The following ZFHX3 variants were observed in gnomAD, a reference collection of about 807,000 sequenced individuals.
The protein encoded by ZFHX3 is zinc finger homeobox 3.
A neutral mutation model predicts 279.1 loss-of-function variants in ZFHX3; 42 were observed. The ratio of observed to expected loss-of-function variants is 0.15; its 90% CI spans 0.12 to 0.19. ZFHX3 has a LOEUF of 0.19. ZFHX3 is among the 10% of genes least tolerant of loss of function. The probability of loss-of-function intolerance (pLI) is 1.00; values close to 1 mark genes in which losing one functional copy is unlikely to be tolerated. For missense variants in ZFHX3, 4,981 were observed against 4,754.0 expected (o/e 1.05, Z -1.40); for synonymous variants, 2,293 against 1,957.8 (o/e 1.17, Z -4.52).
At chr16:73,777,263 G>A (rs563238496) in intron 1 of ZFHX3, among the ~76,000 whole-genome samples, 2 of 152,112 alleles carry the variant, frequency 1.3e-5, no homozygotes, top group Non-Finnish European at 2.9e-5. Context: ...CAGCACTTTA[G>A]GAGGCCAAGG....
At chr16:73,789,334 G>C (rs997952119) in intron 1 of ZFHX3, among the ~76,000 whole-genome samples, 4 of 151,866 alleles carry the variant, frequency 2.6e-5, no homozygotes, top group African/African-American at 9.7e-5. Context: ...GTGCATGTCA[G>C]CACACCCGGC....
intron 1 of ZFHX3, among the ~76,000 whole-genome samples, chr16:72,991,024 T>C (rs1211888650): frequency 1.3e-5 from 2 of 151,664 alleles, no homozygotes; most frequent in East Asian, 1.9e-4. Context: ...AATGGGTTAA[T>C]GACAAAGAAG....
chr16:72,991,641 T>C (rs1963098872), intron 1 of ZFHX3, among the ~76,000 whole-genome samples: 1 of 152,228 alleles, frequency 6.6e-6, no homozygotes. Context: ...ACAAAGAACA[T>C]GTTCTCATGT....
chr16:73,001,316 C>T (rs1276924779), intron 1 of ZFHX3, among the ~76,000 whole-genome samples: 1 of 152,092 alleles, frequency 6.6e-6, no homozygotes, highest in Non-Finnish European at 1.5e-5. Flanking sequence ...TTCAGTCTGT[C>T]CCCAGTCAAG....
chr16:73,766,576 C>T (rs990499615), intron 1 of ZFHX3, among the ~76,000 whole-genome samples: 6 of 152,094 alleles, frequency 3.9e-5, no homozygotes, highest in Non-Finnish European at 7.4e-5. Context: ...ACTTAGAAAA[C>T]GACAAAATTC....
At chr16:73,540,233 T>C (rs1222130410) in intron 2 of ZFHX3, among the ~76,000 whole-genome samples, 1 of 152,326 alleles carries the variant, frequency 6.6e-6, no homozygotes, top group Non-Finnish European at 1.5e-5. Flanking sequence ...AATAACTGCT[T>C]CCACAACCAT....
rs1451622887 is a variant in ZFHX3 at position 72,829,832 on chromosome 16, G to A, written c.3476C>T (p.Pro1159Leu). 2.5e-6 allele frequency: 4 copies of A among 1,613,912 alleles called. No homozygotes were observed. In the African/African-American group the frequency reaches 5.3e-5, roughly 22 times the overall value. ...PEEAIEDVEG[P>L]SETAADPEEL... Reference sequence around the variant, plus strand: ...CTCTGGATCAGCAGCTGTTTCACTGGGTCCTTCAACATCTTCAATGGCTTC... The same window carrying A: ...CTCTGGATCAGCAGCTGTTTCACTGAGTCCTTCAACATCTTCAATGGCTTC... The change falls in exon 5 of 10, where the codon CCC becomes CTC. Residue 1159 changes from proline to leucine, a missense_variant. This residue lies in a region of ZFHX3 where 1,751 missense variants were observed against 1,770.0 expected (regional missense o/e 0.99). Coordinates refer to ENST00000268489, the MANE Select transcript of ZFHX3 (RefSeq NM_006885.4).
intron 1 of ZFHX3, among the ~76,000 whole-genome samples, chr16:73,793,598 T>C (rs950277350): frequency 6.6e-6 from 1 of 152,254 alleles, no homozygotes; most frequent in East Asian, 1.9e-4. Flanking sequence ...ACTGGACTAT[T>C]TGACTGTGTG....
intron 1 of ZFHX3, among the ~76,000 whole-genome samples, chr16:73,007,233 T>C (rs1005839599): frequency 3.9e-5 from 6 of 152,244 alleles, no homozygotes; most frequent in African/African-American, 9.6e-5. Flanking sequence ...TCTCCACTCA[T>C]GTCGGAACTC....
intron 7 of ZFHX3, among the ~76,000 whole-genome samples, chr16:73,105,121 C>T (rs1966278823): frequency 1.3e-5 from 2 of 152,052 alleles, no homozygotes; most frequent in African/African-American, 4.8e-5. Flanking sequence ...TTTTTTGTTG[C>T]TGGGCCAGGA....
chr16:73,652,749 C>T (rs2052683618), intron 2 of ZFHX3, among the ~76,000 whole-genome samples: 1 of 151,938 alleles, frequency 6.6e-6, no homozygotes, highest in Non-Finnish European at 1.5e-5. Flanking sequence ...AAGTATACCT[C>T]CTGCAATTTC....
chr16:72,822,955 A>T (rs1440621356), intron 5 of ZFHX3, among the ~76,000 whole-genome samples: 1 of 152,224 alleles, frequency 6.6e-6, no homozygotes, highest in East Asian at 1.9e-4. Context: ...GCAAGTCCAG[A>T]TATACACCAC....
intron 3 of ZFHX3, among the ~76,000 whole-genome samples, chr16:72,946,898 A>C (rs1960708010): frequency 6.6e-6 from 1 of 152,222 alleles, no homozygotes; most frequent in South Asian, 2.1e-4. Flanking sequence ...CCCGGAGCTC[A>C]GTCCCAGTTG....
At chr16:73,737,478 T>C (rs2053619326) in intron 1 of ZFHX3, among the ~76,000 whole-genome samples, 1 of 152,222 alleles carries the variant, frequency 6.6e-6, no homozygotes, top group Non-Finnish European at 1.5e-5. Context: ...TCAGTTGCTC[T>C]GAAGTTTCTG....
intron 5 of ZFHX3, among the ~76,000 whole-genome samples, chr16:73,174,584 TCTC>T: frequency 6.6e-6 from 1 of 151,804 alleles, no homozygotes; most frequent in South Asian, 2.1e-4. Context: ...TTTCCTGTCA[TCTC>T]CTCCACTGTA....
At chr16:73,266,230 T>G in intron 4 of ZFHX3, among the ~76,000 whole-genome samples, 1 of 152,208 alleles carries the variant, frequency 6.6e-6, no homozygotes, top group East Asian at 1.9e-4. Flanking sequence ...TTTTCTCAAT[T>G]CTAGTATTTT....
At chr16:73,497,246 T>A (rs984304324) in intron 2 of ZFHX3, among the ~76,000 whole-genome samples, 11 of 152,228 alleles carry the variant, frequency 7.2e-5, no homozygotes, top group Non-Finnish European at 1.5e-4. Flanking sequence ...AATACAAATC[T>A]GCTTCCAGCT....
chr16:73,070,848 C>T (rs951101566), intron 8 of ZFHX3, among the ~76,000 whole-genome samples: 2 of 151,486 alleles, frequency 1.3e-5, no homozygotes, highest in African/African-American at 4.9e-5. Context: ...ACTTATTTCT[C>T]TGTCTTTCTC....
chr16:73,581,436 T>G (rs748351044), intron 2 of ZFHX3, among the ~76,000 whole-genome samples: 1 of 151,858 alleles, frequency 6.6e-6, no homozygotes, highest in Non-Finnish European at 1.5e-5. Flanking sequence ...TATTCACATT[T>G]GAAACCAGAT....
Sources: gnomAD v4.1 joint callset for allele counts (sites outside exome capture counted in the v4.1 genomes callset) on GRCh38, gnomAD v4.1.1 for gene constraint, gnomAD v4.1.1 regional missense constraint, MANE v1.5 for transcripts, NCBI Gene and HGNC (gene_info 2026-07-23, HGNC 2026-07-21) for gene names.